ALK: variants seen among roughly 807,000 people sequenced by gnomAD.
ALK encodes ALK tyrosine kinase receptor.
In ALK, 74 loss-of-function variants were observed where a neutral mutation model predicts 163.1. That is an observed-to-expected ratio of 0.45 (90% confidence interval 0.38 to 0.55). The LOEUF is 0.55. ALK is among the 20% of genes least tolerant of loss of function. ALK has a pLI of 0.00. For missense variants in ALK, 2,063 were observed against 2,105.3 expected, an observed-to-expected ratio of 0.98 and a Z score of 0.39; for synonymous variants, 960 against 843.2, an observed-to-expected ratio of 1.14 and a Z score of -2.40.
intron 3 of ALK, among the ~76,000 whole-genome samples, chr2:29,584,551 G>A (rs1674826055): frequency 6.6e-6 from 1 of 152,132 alleles, no homozygotes; most frequent in Admixed American, 6.6e-5. Flanking sequence ...CCAAAAAATA[G>A]GACTATTCAA....
chr2:29,748,848 C>A (rs909752015), intron 1 of ALK, among the ~76,000 whole-genome samples: 1 of 152,036 alleles, frequency 6.6e-6, no homozygotes, highest in African/African-American at 2.4e-5. Context: ...TGGGTTCAAG[C>A]GATTCTCGTG....
intron 1 of ALK, among the ~76,000 whole-genome samples, chr2:29,811,541 G>T (rs1187335835): frequency 6.6e-6 from 1 of 152,282 alleles, no homozygotes; most frequent in Middle Eastern, 3.4e-3. Flanking sequence ...TCAGGTTTGT[G>T]ACTCACTGAC....
chr2:29,261,780 T>C (rs1665094837), intron 11 of ALK, among the ~76,000 whole-genome samples: 1 of 152,210 alleles, frequency 6.6e-6, no homozygotes, highest in Admixed American at 6.5e-5. Context: ...GGCAGGTGTC[T>C]CTCGGTACTG....
intron 1 of ALK, among the ~76,000 whole-genome samples, chr2:29,889,313 T>C (rs1667073582): frequency 6.6e-6 from 1 of 152,034 alleles, no homozygotes; most frequent in African/African-American, 2.4e-5. Context: ...TATAAGCTAA[T>C]GAGCAATGTT....
At chr2:29,217,856 C>T (rs189674523) in intron 23 of ALK, among the ~76,000 whole-genome samples, 202 of 144,058 alleles carry the variant, frequency 1.4e-3, no homozygotes, top group African/African-American at 4.9e-3. Flanking sequence ...TGGAGGCACA[C>T]CTCCGCCTAC....
intron 4 of ALK, among the ~76,000 whole-genome samples, chr2:29,402,012 G>A (rs1194056561): frequency 6.6e-6 from 1 of 152,212 alleles, no homozygotes; most frequent in Non-Finnish European, 1.5e-5. Context: ...TCTGAGGGCC[G>A]GGCTGGTGGG....
chr2:29,453,027 T>C (rs55931506), intron 4 of ALK, among the ~76,000 whole-genome samples: 10,424 of 152,220 alleles, frequency 0.068, 750 homozygotes, highest in African/African-American at 0.18. Context: ...GATTGGCTCC[T>C]GAACTGGAAA....
intron 1 of ALK, among the ~76,000 whole-genome samples, chr2:29,840,626 A>G (rs1665673747): frequency 6.6e-6 from 1 of 152,238 alleles, no homozygotes; most frequent in South Asian, 2.1e-4. Flanking sequence ...GATTACAAAG[A>G]AAAACTATGG....
At chr2:29,856,567 T>C (rs1050049102) in intron 1 of ALK, among the ~76,000 whole-genome samples, 2 of 152,192 alleles carry the variant, frequency 1.3e-5, no homozygotes, top group East Asian at 1.9e-4. Context: ...GGAATAGATA[T>C]TGGAACCCAG....
chr2:29,562,535 A>G (rs1368793682), intron 3 of ALK, among the ~76,000 whole-genome samples: 2 of 152,190 alleles, frequency 1.3e-5, no homozygotes, highest in Non-Finnish European at 2.9e-5. Flanking sequence ...CAGCAGGACA[A>G]TTACATTCCT....
At chr2:29,525,981 A>T (rs1672949821) in intron 4 of ALK, among the ~76,000 whole-genome samples, 1 of 152,094 alleles carries the variant, frequency 6.6e-6, no homozygotes, top group Non-Finnish European at 1.5e-5. Context: ...GAATATGGTA[A>T]ATCCAGGTAT....
At chr2:29,831,637 G>T (rs1299834179) in intron 1 of ALK, among the ~76,000 whole-genome samples, 1 of 152,114 alleles carries the variant, frequency 6.6e-6, no homozygotes, top group East Asian at 1.9e-4. Flanking sequence ...AGTCTGGCCA[G>T]TGCAATGCCT....
intron 8 of ALK, among the ~76,000 whole-genome samples, chr2:29,305,673 C>T (rs1454310052): frequency 2.0e-5 from 3 of 152,172 alleles, no homozygotes; most frequent in Non-Finnish European, 4.4e-5. Context: ...AGAATTCCAT[C>T]TTAAGACCTA....
At position 29,735,607 on chromosome 2, in the gene ALK, T is replaced by C. The variant is rs1168492298; in HGVS notation, c.668-17910A>G. 5.3e-5 allele frequency among the ~76,000 whole-genome samples: 8 copies of C among 152,142 alleles called. No individual in the cohort carries two copies. In the East Asian group the frequency reaches 1.5e-3, roughly 29 times the overall value. ...TCCCCACCCAAATCTCATCTTGAAT[T>C]GTAGTTCCCATAATCTCCACACGTC... is the stretch of plus-strand genomic sequence containing the variant. On this transcript the variant is annotated intron_variant, in intron 1 of 28. Coordinates refer to ENST00000389048, the MANE Select transcript of ALK (RefSeq NM_004304.5).
intron 3 of ALK, among the ~76,000 whole-genome samples, chr2:29,634,824 T>G (rs1382024439): frequency 6.6e-6 from 1 of 152,120 alleles, no homozygotes; most frequent in East Asian, 1.9e-4. Context: ...AAAAGACATA[T>G]ATATCAGAAA....
chr2:29,303,736 C>T (rs142058699), intron 8 of ALK, among the ~76,000 whole-genome samples: 32 of 152,252 alleles, frequency 2.1e-4, no homozygotes, highest in East Asian at 9.7e-4. Flanking sequence ...TTTGCAGCAA[C>T]GTGGATGCAG....
intron 4 of ALK, among the ~76,000 whole-genome samples, chr2:29,404,690 T>C (rs544594072): frequency 1.4e-4 from 22 of 152,324 alleles, no homozygotes; most frequent in South Asian, 4.1e-4. Flanking sequence ...TGGACAGAGA[T>C]GATGAGACAG....
intron 4 of ALK, among the ~76,000 whole-genome samples, chr2:29,448,879 G>A (rs544411224): frequency 1.1e-4 from 16 of 152,206 alleles, no homozygotes; most frequent in African/African-American, 3.9e-4. Flanking sequence ...TTCAGTTTCT[G>A]GTTTAAACCC....
At chr2:29,502,440 T>C in intron 4 of ALK, among the ~76,000 whole-genome samples, 1 of 152,124 alleles carries the variant, frequency 6.6e-6, no homozygotes. Context: ...CCCCAGAGAG[T>C]GTTTGCAGTA....
Sources: allele counts gnomAD v4.1 joint callset (sites outside exome capture counted in the v4.1 genomes callset), GRCh38; gene constraint gnomAD v4.1.1; transcripts MANE v1.5; gene names NCBI Gene and HGNC (gene_info 2026-07-23, HGNC 2026-07-21).